The following ABCC3 variants were observed in gnomAD, a reference collection of about 807,000 sequenced individuals.
The protein encoded by ABCC3 is ATP binding cassette subfamily C member 3.
ABCC3 carries 121 observed loss-of-function variants against 165.3 expected under a neutral mutation model. The ratio of observed to expected loss-of-function variants is 0.73; its 90% confidence interval spans 0.63 to 0.85. The LOEUF is 0.85. ABCC3 is among the 40% of genes least tolerant of loss of function. The pLI is 0.00. For missense variants in ABCC3, 1,869 were observed against 1,964.1 expected, an observed-to-expected ratio of 0.95 and a Z score of 0.92; for synonymous variants, 733 against 810.1, an observed-to-expected ratio of 0.90 and a Z score of 1.62.
chr17:50,645,159 C>T (rs1966979262), intron 1 of ABCC3, among the ~76,000 whole-genome samples: 1 of 151,476 alleles, frequency 6.6e-6, no homozygotes, highest in African/African-American at 2.4e-5. Context: ...CAAGGTCGCA[C>T]CACTGCACTC....
chr17:50,674,574 C>T (rs1021089286), intron 19 of ABCC3: 1 of 152,170 alleles, frequency 6.6e-6, no homozygotes, highest in African/African-American at 2.4e-5. Context: ...AAATTATAGT[C>T]CTCATGGAGC....
In ABCC3 at chr17:50,684,104, G is replaced by A. The variant is rs761089083; in HGVS notation, c.4110G>A (p.Pro1370=). The change falls in exon 28 of 31, where the codon CCG becomes CCA. Residue 1370 remains proline (P), a synonymous_variant. Transcript: ENST00000285238. ...HDLRSQLTII[P]QDPILFSGTL... ...TGCGCTCTCAGCTGACCATCATCCC[G>A]CAGGTAGGAGCCTGGCATGGGCTGG... 6 of 1,612,210 alleles carry A rather than the reference G, an allele frequency of 3.7e-6. No homozygotes were observed. Among genetic ancestry groups the A allele is most frequent in the Admixed American group, 1.7e-5 (1 of 59,704 alleles).
intron 19 of ABCC3, among the ~76,000 whole-genome samples, chr17:50,673,970 T>G (rs1189999937): frequency 6.8e-5 from 1 of 14,696 alleles, no homozygotes. Context: ...CTTTCTTTCT[T>G]TCTTTCTTTC....
Position 50,658,497 on chromosome 17 carries a change from G to T in ABCC3, c.674+1G>T. 8 of 1,613,722 alleles carry T rather than the reference G, an allele frequency of 5.0e-6. No homozygotes were observed. The highest frequency in any genetic ancestry group is 6.8e-6 in the Non-Finnish European group (8 of 1,179,566). On this transcript the variant is annotated splice_donor_variant, in intron 6 of 30. Transcript: ENST00000285238. LOFTEE classifies it high-confidence loss of function. ...GCCTGTTTTTCTGGTGGTTCACAAA[G>T]TGAGTTGGCTCTTCCACCAGCCAGG...
intron 26 of ABCC3, among the ~76,000 whole-genome samples, 193 bp from the exon 27 acceptor site, chr17:50,683,417 G>A (rs563635508): frequency 6.6e-6 from 1 of 151,714 alleles, no homozygotes; most frequent in East Asian, 1.9e-4. Flanking sequence ...GGGGAGTGTT[G>A]GAGTAGGTCT....
chr17:50,664,674 G>A lies in ABCC3; in HGVS notation c.1339-479G>A, dbSNP rs1967480427. 3 of 153,872 alleles carry A rather than the reference G, an allele frequency of 1.9e-5. No homozygotes were observed. In the Admixed American group the frequency reaches 2.2e-4, roughly 11 times the overall value. The allele number at this position is 153,872 out of a possible 1,614,324, so 9.5% of individuals were successfully genotyped here. A position where few individuals can be genotyped will look rare whatever the true frequency, so the allele number is the denominator to read the frequency against. On this transcript the variant is annotated intron_variant, in intron 10 of 30. Coordinates refer to ENST00000285238, the MANE Select transcript of ABCC3 (RefSeq NM_003786.4). ...GCCGAGATCATACCACTGCACTCTA[G>A]CCTGGGTGACAGAGCAAGACTCTGT...
intron 11 of ABCC3, among the ~76,000 whole-genome samples, chr17:50,666,200 G>A (rs563990394): frequency 2.6e-5 from 4 of 152,192 alleles, no homozygotes; most frequent in African/African-American, 9.6e-5. Flanking sequence ...GGCTGGGCAC[G>A]GTGGCTCATG....
chr17:50,682,564 C>G (rs1471388028), intron 26 of ABCC3, among the ~76,000 whole-genome samples: 1 of 152,068 alleles, frequency 6.6e-6, no homozygotes, highest in East Asian at 1.9e-4. Context: ...TTCCCTCTGC[C>G]TGGCATGCCC....
At chr17:50,650,783 C>T (rs777708082) in intron 1 of ABCC3, among the ~76,000 whole-genome samples, 16 of 151,986 alleles carry the variant, frequency 1.1e-4, no homozygotes, top group South Asian at 6.2e-4. Context: ...TTCTTAACCC[C>T]GGCCAGGTAC....
At chr17:50,642,967 C>T (rs1966919549) in intron 1 of ABCC3, among the ~76,000 whole-genome samples, 1 of 152,252 alleles carries the variant, frequency 6.6e-6, no homozygotes, top group Non-Finnish European at 1.5e-5. Flanking sequence ...TACACTGGGC[C>T]TAACAGTGCC....
intron 26 of ABCC3, among the ~76,000 whole-genome samples, chr17:50,681,969 G>A (rs1270730438): frequency 6.6e-6 from 1 of 152,072 alleles, no homozygotes; most frequent in Non-Finnish European, 1.5e-5. Flanking sequence ...CCCAGTTCCT[G>A]CATGGATACC....
intron 1 of ABCC3, among the ~76,000 whole-genome samples, chr17:50,640,263 G>A (rs1214311483): frequency 1.3e-5 from 2 of 152,292 alleles, no homozygotes; most frequent in South Asian, 2.1e-4. Flanking sequence ...ACATCATGCC[G>A]GAGTCCTACC....
intron 26 of ABCC3, among the ~76,000 whole-genome samples, chr17:50,681,455 C>A (rs142417099): frequency 6.6e-6 from 1 of 152,126 alleles, no homozygotes; most frequent in Non-Finnish European, 1.5e-5. Context: ...CTCAGTCCCG[C>A]CCTCCATCTC....
At chr17:50,678,283 G>A in intron 25 of ABCC3, 64 bp downstream of exon 25, 1 of 1,487,052 alleles carries the variant, frequency 6.7e-7, no homozygotes, top group Non-Finnish European at 8.9e-7. Flanking sequence ...AGGTGTTCCA[G>A]GCATCTCCCG....
At position 50,677,942 on chromosome 17, in the gene ABCC3, C is replaced by T. The variant is rs754578762; in HGVS notation, c.3577C>T (p.Arg1193Trp). 55 of 1,614,002 alleles carry T rather than the reference C, an allele frequency of 3.4e-5. No homozygotes were observed. The highest frequency in any genetic ancestry group is 4.2e-5 in the Non-Finnish European group (49 of 1,180,034). ...RSCYPYIISN[R>W]WLSIGVEFVG... ...CTGCTACCCCTACATCATCTCCAAC[C>T]GGTCAGAAGCCGCCTCCCTCGCTCC... The change falls in exon 24 of 31, where the codon CGG becomes TGG. Residue 1193 changes from arginine (R) to tryptophan (W), a missense_variant and splice_region_variant. By Grantham distance (101) the Arg-to-Trp change is moderately radical. Coordinates refer to ENST00000285238, the MANE Select transcript of ABCC3 (RefSeq NM_003786.4).
At position 50,674,020 on chromosome 17, in the gene ABCC3, C is replaced by T. The variant is rs1337857160; in HGVS notation, c.2599+362C>T. Among the ~76,000 whole-genome samples, 9 of 27,668 alleles carry T rather than the reference C, an allele frequency of 3.3e-4. 2 individuals carry two copies. The highest frequency in any genetic ancestry group is 6.7e-4 in the East Asian group (1 of 1,484). The allele number at this position is 27,668 out of a possible 152,430, so 18.2% of individuals were successfully genotyped here. On this transcript the variant is annotated intron_variant, in intron 19 of 30. Coordinates refer to ENST00000285238, the MANE Select transcript of ABCC3 (RefSeq NM_003786.4). The stretch of plus-strand genomic sequence containing the variant: ...TCTCTCTCTCTCTCTCTCTCTCTCT[C>T]TCTCTCTCTCTCTCTCTTTCTTTCT...
intron 5 of ABCC3, 52 bp from the exon 6 acceptor site, chr17:50,658,383 G>A: frequency 6.3e-7 from 1 of 1,592,730 alleles, no homozygotes; most frequent in Non-Finnish European, 8.6e-7. Context: ...ACTCTGCTTT[G>A]AGAGGGTGGT....
chr17:50,656,742 T>A lies in ABCC3; in HGVS notation c.263T>A (p.Leu88His). Residue 88 changes from leucine (L) to histidine (H), a missense_variant, in exon 3 of 31, where the codon CTT becomes CAT. Physicochemically the swap from Leu to His is moderately conservative, Grantham distance 99. Transcript: ENST00000285238. Reference sequence around the variant, plus strand: ...CTGTGGTGCGTCTCCTGGGCGGACCTTTTTTACTCCTTCCATGGCCTGGTC... The same window carrying A: ...CTGTGGTGCGTCTCCTGGGCGGACCATTTTTACTCCTTCCATGGCCTGGTC... ...VLLWCVSWAD[L>H]FYSFHGLVHG... 6.2e-7 allele frequency: 1 copy of A among 1,613,502 alleles called. No individual in the cohort carries two copies. Among genetic ancestry groups the A allele is most frequent in the South Asian group, 1.1e-5 (1 of 91,012 alleles).
At chr17:50,657,465 G>A (rs1484115889) in intron 4 of ABCC3, among the ~76,000 whole-genome samples, 1 of 152,244 alleles carries the variant, frequency 6.6e-6, no homozygotes, top group Non-Finnish European at 1.5e-5. Context: ...TCTGACGTGG[G>A]TGTCAGTCAG....
Sources: allele counts gnomAD v4.1 joint callset (sites outside exome capture counted in the v4.1 genomes callset), GRCh38; gene constraint gnomAD v4.1.1; transcripts MANE v1.5; gene names NCBI Gene and HGNC (gene_info 2026-07-23, HGNC 2026-07-21).